Variants in SCARA5 observed in about 807,000 individuals in gnomAD.
SCARA5 encodes scavenger receptor class A, member 5 (putative).
Under a neutral mutation model 46.3 loss-of-function variants are expected in SCARA5, and 45 were observed. That is an observed-to-expected ratio of 0.97 (90% CI 0.76 to 1.24). The LOEUF (loss-of-function observed/expected upper bound fraction) is 1.24. Among genes scored for constraint, SCARA5 ranks in the 50% most tolerant of loss-of-function variants. The probability of loss-of-function intolerance (pLI) is 0.00; values close to 1 mark genes in which losing one functional copy is unlikely to be tolerated. For synonymous variants in SCARA5, 333 were observed against 306.5 expected, an observed-to-expected ratio of 1.09 and a Z score of -0.90; for missense variants, 680 against 689.0, an observed-to-expected ratio of 0.99 and a Z score of 0.15.
Position 27,966,428 on chromosome 8 carries a change from A to T in SCARA5, c.227T>A (p.Ile76Asn). The change falls in exon 3 of 9, where the codon ATC (isoleucine) becomes AAC (asparagine). Residue 76 changes from isoleucine (I) to asparagine (N), a missense_variant. By Grantham distance (149) the Ile-to-Asn change is moderately radical (BLOSUM62 -3). Transcript: ENST00000354914. ...CCTGCTCTTACCTGCTAAGATGAAG[A>T]TGCCCACAAGAATCAGGAAGACCAG... Reference protein sequence around the residue: ...YLLVFLILVGIFILAVSRPRS... With the variant: ...YLLVFLILVGNFILAVSRPRS... The T allele has an allele frequency of 1.2e-6, 2 of 1,610,130 alleles. No individual in the cohort carries two copies. Among genetic ancestry groups the T allele is most frequent in the Non-Finnish European group, 8.5e-7 (1 of 1,178,974 alleles).
At chr8:27,935,724 T>C (rs2129856349) in intron 3 of SCARA5, among the ~76,000 whole-genome samples, 1 of 152,198 alleles carries the variant, frequency 6.6e-6, no homozygotes, top group African/African-American at 2.4e-5. Flanking sequence ...ACGTCTGGAT[T>C]CTAGGACCAG....
chr8:27,968,955 GA>G (rs1808409289), intron 2 of SCARA5, among the ~76,000 whole-genome samples: 1 of 152,220 alleles, frequency 6.6e-6, no homozygotes, highest in African/African-American at 2.4e-5. Context: ...TCCTTTGAGA[GA>G]GTTTAGTTCT....
chr8:27,958,332 G>A (rs549240248), intron 3 of SCARA5, among the ~76,000 whole-genome samples: 2 of 152,358 alleles, frequency 1.3e-5, no homozygotes, highest in African/African-American at 4.8e-5. Context: ...TGAGACAGAG[G>A]TGCCTTCTGC....
chr8:27,904,545 A>T, intron 7 of SCARA5: 1 of 600,556 alleles, frequency 1.7e-6, no homozygotes, highest in South Asian at 2.2e-5. Flanking sequence ...CTCCAGATCC[A>T]TGCACACAAC....
At position 27,921,577 on chromosome 8, in the gene SCARA5, C is replaced by A; in HGVS notation, c.910G>T (p.Ala304Ser). Reference sequence around the variant, plus strand: ...AGCAAGGGCCTGGCGGTACCTTTCGCGAGGGAGATGTTCCGCAGTGCGATG... The same window carrying A: ...AGCAAGGGCCTGGCGGTACCTTTCGAGAGGGAGATGTTCCGCAGTGCGATG... ...HSIALRNISL[A>S]KGPPGPKGDQ... The change falls in exon 4 of 9, where the codon GCG becomes TCG. Residue 304 changes from alanine (A) to serine (S), a missense_variant. Physicochemically the swap from Ala to Ser is moderately conservative, Grantham distance 99. Transcript: ENST00000354914. The A allele has an allele frequency of 6.5e-7, 1 of 1,548,688 alleles. No homozygotes were observed. Among genetic ancestry groups the A allele is most frequent in the South Asian group, 1.2e-5 (1 of 81,498 alleles).
intron 2 of SCARA5, among the ~76,000 whole-genome samples, chr8:27,983,284 G>T (rs1808652102): frequency 6.6e-6 from 1 of 152,244 alleles, no homozygotes; most frequent in Non-Finnish European, 1.5e-5. Flanking sequence ...ACCAGGTGAA[G>T]GCTGGTGCCT....
intron 8 of SCARA5, 24 bp from the exon 9 acceptor site, chr8:27,872,094 T>G: frequency 6.2e-7 from 1 of 1,613,732 alleles, no homozygotes; most frequent in Non-Finnish European, 8.5e-7. Context: ...GAAACACAGC[T>G]ATAAGCGGAT....
intron 3 of SCARA5, among the ~76,000 whole-genome samples, chr8:27,939,453 T>G (rs376561869): frequency 9.2e-5 from 14 of 152,308 alleles, no homozygotes; most frequent in South Asian, 8.3e-4. Context: ...TCCCCCACCA[T>G]GGACTCTTGT....
intron 7 of SCARA5, among the ~76,000 whole-genome samples, chr8:27,882,926 C>T (rs577651558): frequency 2.0e-5 from 3 of 152,190 alleles, no homozygotes; most frequent in Non-Finnish European, 4.4e-5. Flanking sequence ...AAGGTAGCCT[C>T]ACAACCTCTC....
intron 7 of SCARA5, among the ~76,000 whole-genome samples, chr8:27,881,381 CAA>C (rs1229955079): frequency 2.0e-5 from 3 of 151,900 alleles, no homozygotes; most frequent in Non-Finnish European, 2.9e-5. Flanking sequence ...TAAAAAAGAA[CAA>C]AGTCATGTCC....
chr8:27,931,717 G>A (rs936473698), intron 3 of SCARA5, among the ~76,000 whole-genome samples: 5 of 152,066 alleles, frequency 3.3e-5, no homozygotes, highest in Admixed American at 1.3e-4. Flanking sequence ...AGGCAGTGCA[G>A]GGGTGCGATC....
intron 7 of SCARA5, among the ~76,000 whole-genome samples, chr8:27,893,587 A>G (rs973786674): frequency 9.9e-5 from 15 of 152,030 alleles, no homozygotes; most frequent in Non-Finnish European, 2.2e-4. Flanking sequence ...AAACACACAG[A>G]TCCTCTCCTC....
At chr8:27,942,617 T>G (rs1205064594) in intron 3 of SCARA5, among the ~76,000 whole-genome samples, 1 of 152,156 alleles carries the variant, frequency 6.6e-6, no homozygotes, top group African/African-American at 2.4e-5. Flanking sequence ...AGTGGTGAAC[T>G]CTGAGCACCT....
rs1325751201 is a variant in SCARA5, at chr8:27,943,543, G to C, written c.242-21298C>G. ...ATGTTTAACAACTGGTTCTCCAAGGGGTTGGGGAGAAGCCTAAGCTGTGGT... is the reference window on the plus strand; with the variant it reads ...ATGTTTAACAACTGGTTCTCCAAGGCGTTGGGGAGAAGCCTAAGCTGTGGT... On this transcript the variant is annotated intron_variant, in intron 3 of 8. Transcript: ENST00000354914. Among the ~76,000 whole-genome samples, 4 of 152,354 alleles carry C rather than the reference G, an allele frequency of 2.6e-5. No homozygotes were observed. In the East Asian group the frequency reaches 7.7e-4, roughly 29 times the overall value.
chr8:27,978,189 G>GC, intron 2 of SCARA5, among the ~76,000 whole-genome samples: 1 of 127,692 alleles, frequency 7.8e-6, no homozygotes, highest in African/African-American at 2.8e-5. Flanking sequence ...ACCACATCCG[G>GC]CTAATTTTTT....
intron 7 of SCARA5, among the ~76,000 whole-genome samples, chr8:27,892,403 A>T (rs180681221): frequency 6.6e-6 from 1 of 152,268 alleles, no homozygotes; most frequent in East Asian, 1.9e-4. Context: ...GCACCTGTGA[A>T]TCCCATGCAC....
At chr8:27,890,275 T>C (rs553147256) in intron 7 of SCARA5, among the ~76,000 whole-genome samples, 35 of 152,342 alleles carry the variant, frequency 2.3e-4, no homozygotes, top group African/African-American at 7.7e-4. Context: ...CTTCTCTTTC[T>C]GATGCTGGCT....
chr8:27,944,650 T>C (rs1808004001), intron 3 of SCARA5, among the ~76,000 whole-genome samples: 1 of 150,034 alleles, frequency 6.7e-6, no homozygotes, highest in African/African-American at 2.5e-5. Context: ...TCACCTGAGG[T>C]CAGGAGTTTG....
At chr8:27,906,434 A>C (rs368252315) in intron 6 of SCARA5, among the ~76,000 whole-genome samples, 1 of 152,272 alleles carries the variant, frequency 6.6e-6, no homozygotes, top group South Asian at 2.1e-4. Context: ...GAATTGAATT[A>C]AAATTGTAAA....
Sources: allele counts gnomAD v4.1 joint callset (sites outside exome capture counted in the v4.1 genomes callset), GRCh38; gene constraint gnomAD v4.1.1; transcripts MANE v1.5; gene names NCBI Gene and HGNC (gene_info 2026-07-23, HGNC 2026-07-21).